The following KIAA1217 variants were observed in gnomAD, a reference collection of about 807,000 sequenced individuals.
The protein encoded by KIAA1217 is KIAA1217.
A neutral mutation model predicts 163.9 loss-of-function variants in KIAA1217; 88 were observed. That is an observed-to-expected ratio of 0.54 (90% CI 0.45 to 0.64). The LOEUF (loss-of-function observed/expected upper bound fraction) is 0.64. KIAA1217 is among the 30% of genes least tolerant of loss of function. The pLI is 0.00. For synonymous variants in KIAA1217, 903 were observed against 923.1 expected, an observed-to-expected ratio of 0.98 and a Z score of 0.39; for missense variants, 2,372 against 2,475.0, an observed-to-expected ratio of 0.96 and a Z score of 0.88.
intron 6 of KIAA1217, among the ~76,000 whole-genome samples, chr10:24,485,939 C>T (rs1165225146): frequency 1.3e-5 from 2 of 152,230 alleles, no homozygotes; most frequent in Admixed American, 1.3e-4. Flanking sequence ...ATCTTCCCCA[C>T]ATCAGGTAAC....
At position 24,546,093 on chromosome 10, in the gene KIAA1217, C is replaced by A. The variant is rs771825170; in HGVS notation, c.5601C>A (p.Leu1867=). 2.5e-6 allele frequency: 4 copies of A among 1,614,076 alleles called. No individual in the cohort carries two copies. In the African/African-American group the frequency reaches 5.3e-5, roughly 22 times the overall value. The change falls in exon 21 of 21, where the codon CTC becomes CTA. Residue 1867 remains leucine (L), a synonymous_variant. Transcript: ENST00000376454. ...VSNGSLKFQS[L]THTGKGHHLS... The stretch of plus-strand genomic sequence containing the variant: ...ATGGCTCTTTGAAGTTTCAGAGCCT[C>A]ACTCATACAGGTAAAGGTCACCATC...
chr10:23,925,606 C>T (rs944084817), intron 1 of KIAA1217, among the ~76,000 whole-genome samples: 8 of 152,148 alleles, frequency 5.3e-5, no homozygotes, highest in East Asian at 1.9e-4. Flanking sequence ...TTCCATGTTT[C>T]GAAGGCAGAG....
chr10:24,117,336 T>A (rs1432453431), intron 2 of KIAA1217, among the ~76,000 whole-genome samples: 1 of 152,110 alleles, frequency 6.6e-6, no homozygotes, highest in Non-Finnish European at 1.5e-5. Flanking sequence ...GCCCTAATAG[T>A]GCTTTTAAAG....
chr10:24,111,395 T>C (rs2062838509), intron 2 of KIAA1217, among the ~76,000 whole-genome samples: 2 of 151,840 alleles, frequency 1.3e-5, no homozygotes, highest in South Asian at 4.1e-4. Context: ...TATTCTCTTC[T>C]GTGCCCGTAA....
rs1480741778 is a variant in KIAA1217 at position 24,255,454 on chromosome 10, A to G, written c.354+35545A>G. 3 of 451,738 alleles carry G rather than the reference A, an allele frequency of 6.6e-6. No homozygotes were observed. The Admixed American group carries it at 7.1e-5, about 11-fold the overall frequency. 28.0% of individuals were successfully genotyped at this position (451,738 alleles called of 1,614,324 possible). A position where few individuals can be genotyped will look rare whatever the true frequency, so the allele number is the denominator to read the frequency against. ...GGGCTCAGCACTGGACTGCTCCCAG[A>G]ACATTAAAGGTCTGGCTGATGTTCC... is the stretch of plus-strand genomic sequence containing the variant. On this transcript the variant is annotated intron_variant, in intron 2 of 20. Coordinates refer to ENST00000376454, the MANE Select transcript of KIAA1217 (RefSeq NM_019590.5).
chr10:24,142,047 T>C (rs1047195212), intron 2 of KIAA1217, among the ~76,000 whole-genome samples: 1 of 151,082 alleles, frequency 6.6e-6, no homozygotes, highest in Non-Finnish European at 1.5e-5. Flanking sequence ...TAATCAATAT[T>C]TTTAAATGTT....
intron 1 of KIAA1217, among the ~76,000 whole-genome samples, chr10:23,909,149 C>T (rs180951706): frequency 7.1e-4 from 108 of 152,150 alleles, no homozygotes; most frequent in African/African-American, 2.4e-3. Flanking sequence ...GGGAGCAAAG[C>T]TATGAGGATT....
chr10:23,846,660 T>C (rs1212136950), intron 1 of KIAA1217, among the ~76,000 whole-genome samples: 1 of 152,194 alleles, frequency 6.6e-6, no homozygotes, highest in Admixed American at 6.5e-5. Context: ...TTTCTAAATA[T>C]ATATTCATGT....
At chr10:24,295,869 G>C (rs1192459303) in intron 2 of KIAA1217, among the ~76,000 whole-genome samples, 1 of 152,128 alleles carries the variant, frequency 6.6e-6, no homozygotes, top group Admixed American at 6.5e-5. Flanking sequence ...TTGACCTGTT[G>C]TATCGCTCTT....
At chr10:24,337,591 TTTTC>T (rs1293506536) in intron 2 of KIAA1217, among the ~76,000 whole-genome samples, 12 of 33,796 alleles carry the variant, frequency 3.6e-4, no homozygotes, top group African/African-American at 1.3e-3. Flanking sequence ...TGTGTGGTTT[TTTTC>T]TTTTCTTTTC....
intron 1 of KIAA1217, among the ~76,000 whole-genome samples, chr10:23,805,771 T>C (rs1242616906): frequency 6.6e-6 from 1 of 151,832 alleles, no homozygotes; most frequent in African/African-American, 2.4e-5. Flanking sequence ...CCCAGCACTT[T>C]GGGAGGCCGA....
intron 2 of KIAA1217, among the ~76,000 whole-genome samples, chr10:24,082,333 A>G (rs897374354): frequency 6.6e-6 from 1 of 152,024 alleles, no homozygotes; most frequent in Non-Finnish European, 1.5e-5. Flanking sequence ...TGCTGCACCT[A>G]TCAACCCATC....
chr10:24,521,238 G>A (rs2071227820), intron 11 of KIAA1217, among the ~76,000 whole-genome samples: 1 of 151,590 alleles, frequency 6.6e-6, no homozygotes, highest in African/African-American at 2.4e-5. Context: ...GCTGAGGCAG[G>A]AGAATTACTT....
chr10:24,547,091 A>T lies in KIAA1217; in HGVS notation c.*767A>T, dbSNP rs2075750866. On this transcript the variant is annotated 3_prime_UTR_variant, in exon 21 of 21. Transcript: ENST00000376454. ...TTTTTTTCTTTTTTAACATGTTGAG[A>T]TTCTCTAGTTGTTTTCTTTGGCGTA... The T allele has an allele frequency of 1.3e-5, 1 of 78,504 alleles. No homozygotes were observed. 4.9% of individuals were successfully genotyped at this position (78,504 alleles called of 1,614,324 possible).
intron 1 of KIAA1217, among the ~76,000 whole-genome samples, chr10:23,930,506 C>T (rs932865131): frequency 6.6e-6 from 1 of 152,302 alleles, no homozygotes; most frequent in South Asian, 2.1e-4. Flanking sequence ...CATTTTTTCA[C>T]ATTCGAATGT....
At chr10:23,824,884 C>A (rs1397994896) in intron 1 of KIAA1217, among the ~76,000 whole-genome samples, 1 of 151,784 alleles carries the variant, frequency 6.6e-6, no homozygotes, top group Non-Finnish European at 1.5e-5. Flanking sequence ...CTAGTGGCAT[C>A]CTTTTCACTC....
In KIAA1217 at chr10:24,473,868, C is replaced by T; in HGVS notation, c.1487C>T (p.Pro496Leu). 1 of 1,614,170 alleles carries T rather than the reference C, an allele frequency of 6.2e-7. No individual in the cohort carries two copies. The highest frequency in any genetic ancestry group is 8.5e-7 in the Non-Finnish European group (1 of 1,180,036). ...GCTCACTATAATGCCCACGGCCCCCCTCACACCATGCAGCCAGACCGGGCC... is the reference window on the plus strand; with the variant it reads ...GCTCACTATAATGCCCACGGCCCCCTTCACACCATGCAGCCAGACCGGGCC... ...MHAHYNAHGP[P>L]HTMQPDRASP... The change falls in exon 6 of 21, where the codon CCT becomes CTT. Residue 496 changes from proline to leucine, a missense_variant. This residue lies in a region of KIAA1217 where 1,431 missense variants were observed against 1,470.3 expected (regional missense o/e 0.97). Coordinates refer to ENST00000376454, the MANE Select transcript of KIAA1217 (RefSeq NM_019590.5).
intron 1 of KIAA1217, among the ~76,000 whole-genome samples, chr10:23,745,204 C>T (rs937394803): frequency 1.3e-5 from 2 of 152,074 alleles, no homozygotes; most frequent in African/African-American, 4.8e-5. Flanking sequence ...TACTTTTTTC[C>T]ATGTCGATGT....
In KIAA1217 at chr10:23,864,364, C is replaced by T. The variant is rs546359045; in HGVS notation, c.-320-142861C>T. 7.9e-5 allele frequency among the ~76,000 whole-genome samples: 12 copies of T among 152,096 alleles called. 1 individual carries two copies. Among genetic ancestry groups the T allele is most frequent in the Admixed American group, 7.2e-4 (11 of 15,252 alleles). ...GTTCCTTAGCCTGGTATGAAAGACCCTTCAGTATCTTCTCTCAATTGATCC... is the reference window on the plus strand; with the variant it reads ...GTTCCTTAGCCTGGTATGAAAGACCTTTCAGTATCTTCTCTCAATTGATCC... On this transcript the variant is annotated intron_variant, in intron 1 of 18. Transcript: ENST00000376462.
Sources: gnomAD v4.1 joint callset for allele counts (sites outside exome capture counted in the v4.1 genomes callset) on GRCh38, gnomAD v4.1.1 for gene constraint, gnomAD v4.1.1 regional missense constraint, MANE v1.5 for transcripts, NCBI Gene and HGNC (gene_info 2026-07-23, HGNC 2026-07-21) for gene names.